DENND2B: variants seen among roughly 807,000 people sequenced by gnomAD.
DENND2B encodes the protein DENN domain-containing protein 2B.
A neutral mutation model predicts 116.0 loss-of-function variants in DENND2B; 32 were observed. That is an observed-to-expected ratio of 0.28 (90% CI 0.21 to 0.37). The LOEUF (loss-of-function observed/expected upper bound fraction) is 0.37. Among genes scored for constraint, DENND2B ranks in the 10% least tolerant of loss-of-function variants. DENND2B has a pLI of 1.00. For missense variants in DENND2B, 1,276 were observed against 1,477.7 expected (o/e 0.86, Z 2.24); for synonymous variants, 588 against 583.9 (o/e 1.01, Z -0.10).
Position 8,730,268 on chromosome 11 carries a change from A to G in DENND2B, c.1022T>C (p.Val341Ala). 1 of 1,610,398 alleles carries G rather than the reference A, an allele frequency of 6.2e-7. No homozygotes were observed. Among genetic ancestry groups the G allele is most frequent in the Non-Finnish European group, 8.5e-7 (1 of 1,179,338 alleles). ...GCCCGCCTCCCCCGCAACACCAGCC[A>G]CTCCGACTGCCCGGCTGCCAGCGCT... ...SVSAGSRAVG[V>A]AGVAGEAGPP... Residue 341 changes from valine to alanine, a missense_variant, in exon 3 of 20, where the codon GTG becomes GCG. Transcript: ENST00000313726. The surrounding 1 kb of genome is among the most constrained non-coding windows in gnomAD (Gnocchi z 4.1).
chr11:8,696,732 T>C (rs1438300247), intron 17 of DENND2B, 66 bp from the exon 18 acceptor site: 1 of 1,582,494 alleles, frequency 6.3e-7, no homozygotes, highest in Admixed American at 1.8e-5. Context: ...TCAATCTTCC[T>C]GGTGTAGTCT....
At chr11:8,713,797 C>T (rs1405572957) in intron 8 of DENND2B, among the ~76,000 whole-genome samples, 1 of 152,218 alleles carries the variant, frequency 6.6e-6, no homozygotes, top group Non-Finnish European at 1.5e-5. Flanking sequence ...TGGATTTAAC[C>T]TTGCAGGGCT....
At chr11:8,889,228 C>T (rs564016203) in intron 1 of DENND2B, among the ~76,000 whole-genome samples, 1 of 152,210 alleles carries the variant, frequency 6.6e-6, no homozygotes, top group Non-Finnish European at 1.5e-5. Context: ...GTGCATACAA[C>T]AGAATATTAT....
chr11:8,845,384 T>A (rs1368378009), intron 3 of DENND2B: 1 of 152,198 alleles, frequency 6.6e-6, no homozygotes, highest in African/African-American at 2.4e-5. Flanking sequence ...AATATCAGTA[T>A]CTTTAGAATC....
intron 4 of DENND2B, among the ~76,000 whole-genome samples, chr11:8,827,207 ACC>A (rs2062012516): frequency 6.6e-6 from 1 of 152,152 alleles, no homozygotes; most frequent in East Asian, 1.9e-4. Context: ...ATCTGCCTAC[ACC>A]CCACTTAGCT....
chr11:8,801,705 C>CAAAG (rs1368345567), intron 1 of DENND2B, among the ~76,000 whole-genome samples: 198 of 138,832 alleles, frequency 1.4e-3, no homozygotes, highest in African/African-American at 5.4e-3. Flanking sequence ...AAGAAAGAAA[C>CAAAG]AAACAAACAC....
intron 4 of DENND2B, among the ~76,000 whole-genome samples, chr11:8,826,129 C>A (rs988638984): frequency 7.9e-5 from 12 of 152,190 alleles, no homozygotes; most frequent in African/African-American, 2.7e-4. Context: ...TTTATCCCCA[C>A]GGAGTCATCT....
At chr11:8,810,806 G>GTCTCTGTCTCTCTCTCTCTCTC (rs2061329784), upstream of DENND2B, 3 of 140,236 alleles carry the variant, frequency 2.1e-5, no homozygotes, top group African/African-American at 8.3e-5. Flanking sequence ...CTTTCTCACT[G>GTCTCTGTCTCTCTCTCTCTCTC]TCTCTCTCTC....
chr11:8,715,365 G>A (rs942167034), intron 6 of DENND2B: 17 of 545,980 alleles, frequency 3.1e-5, no homozygotes, highest in Non-Finnish European at 5.2e-5. Flanking sequence ...GGGAACCTCG[G>A]CTAGACTTTC....
intron 3 of DENND2B, among the ~76,000 whole-genome samples, chr11:8,840,262 G>C (rs943590460): frequency 1.3e-5 from 2 of 152,170 alleles, no homozygotes; most frequent in Non-Finnish European, 2.9e-5. Context: ...GACTTGGGGA[G>C]TTCCCAAGGT....
At position 8,717,919 on chromosome 11, in the gene DENND2B, G is replaced by T. The variant is rs543417978; in HGVS notation, c.1478-27C>A. 1.6e-5 allele frequency: 25 copies of T among 1,598,342 alleles called. No homozygotes were observed. In the African/African-American group the frequency reaches 3.1e-4, roughly 20 times the overall value. On this transcript the variant is annotated intron_variant, in intron 4 of 19. Coordinates refer to ENST00000313726, the MANE Select transcript of DENND2B (RefSeq NM_213618.2). ...TGCAGAGGAGGAAGAGTTAGAGAAG[G>T]GGGAGAAGGGAAGAAGGAAACACAC... is the stretch of plus-strand genomic sequence containing the variant.
intron 2 of DENND2B, among the ~76,000 whole-genome samples, chr11:8,741,598 A>G (rs2050217397): frequency 6.6e-6 from 1 of 152,206 alleles, no homozygotes; most frequent in Non-Finnish European, 1.5e-5. Flanking sequence ...CTCCAGTCAA[A>G]ATAACCCCTC....
upstream of DENND2B, among the ~76,000 whole-genome samples, chr11:8,815,113 A>G (rs1415716754): frequency 6.6e-6 from 1 of 152,152 alleles, no homozygotes. Context: ...ACCACTGTGT[A>G]GGAATGGCCC....
chr11:8,763,398 C>G (rs1275427709), intron 1 of DENND2B, among the ~76,000 whole-genome samples: 1 of 151,916 alleles, frequency 6.6e-6, no homozygotes, highest in Non-Finnish European at 1.5e-5. Context: ...TTATACCCAT[C>G]AGAAATGCAT....
chr11:8,859,299 T>G (rs995143603), intron 2 of DENND2B, among the ~76,000 whole-genome samples: 11 of 83,530 alleles, frequency 1.3e-4, no homozygotes, highest in South Asian at 6.8e-4. Context: ...TGTTTTTTTG[T>G]TTGTTTGTTT....
chr11:8,880,897 G>A (rs2063897759), intron 2 of DENND2B: 1 of 151,950 alleles, frequency 6.6e-6, no homozygotes. Flanking sequence ...ACTGAGAAAG[G>A]AGAAATGTAA....
chr11:8,702,080 T>G lies in DENND2B; in HGVS notation c.2720+492A>C, dbSNP rs141011147. Among the ~76,000 whole-genome samples the G allele has an allele frequency of 3.0e-4, 45 of 152,198 alleles. No individual in the cohort carries two copies. The highest frequency in any genetic ancestry group is 1.4e-3 in the Admixed American group (21 of 15,288). Reference sequence around the variant, plus strand: ...CCAGCCCTGGGCCACTGCAGTTGCCTTCTCCAGGGGACACCCTCCACAGGA... The same window carrying G: ...CCAGCCCTGGGCCACTGCAGTTGCCGTCTCCAGGGGACACCCTCCACAGGA... On this transcript the variant is annotated intron_variant, in intron 14 of 19. Coordinates refer to ENST00000313726, the MANE Select transcript of DENND2B (RefSeq NM_213618.2). The surrounding 1 kb of genome is among the most constrained non-coding windows in gnomAD (Gnocchi z 4.6).
intron 4 of DENND2B, among the ~76,000 whole-genome samples, chr11:8,722,756 G>A (rs1405683133): frequency 6.6e-6 from 1 of 152,058 alleles, no homozygotes; most frequent in African/African-American, 2.4e-5. Flanking sequence ...TGCAGACTCC[G>A]GAAACCACCC....
upstream of DENND2B, chr11:8,810,820 C>T (rs2061333981): frequency 6.6e-6 from 1 of 152,356 alleles, no homozygotes; most frequent in Non-Finnish European, 1.5e-5. Context: ...CTCTCTCTCT[C>T]TCTCTCTCTC....
Sources: gnomAD v4.1 joint callset for allele counts (sites outside exome capture counted in the v4.1 genomes callset) on GRCh38, gnomAD v4.1.1 for gene constraint, Gnocchi (gnomAD v3.1) non-coding constraint, MANE v1.5 for transcripts, NCBI Gene and HGNC (gene_info 2026-07-23, HGNC 2026-07-21) for gene names.